Variants in KLHL22 observed in about 807,000 individuals in gnomAD.
The protein encoded by KLHL22 is kelch like family member 22.
Under a neutral mutation model 60.7 loss-of-function variants are expected in KLHL22, and 18 were observed. That is an observed-to-expected ratio of 0.30 (90% confidence interval 0.20 to 0.44). The LOEUF (loss-of-function observed/expected upper bound fraction) is 0.44, where lower values mean the gene tolerates loss of function less well. KLHL22 is among the 20% of genes least tolerant of loss of function. The pLI, the probability that KLHL22 is intolerant of heterozygous loss-of-function variation, is 1.00. For missense variants in KLHL22, 596 were observed against 852.3 expected, an observed-to-expected ratio of 0.70 and a Z score of 3.74; for synonymous variants, 355 against 354.5, an observed-to-expected ratio of 1.00 and a Z score of -0.01.
At chr22:20,487,172 G>A (rs541723060) in intron 2 of KLHL22, among the ~76,000 whole-genome samples, 81 of 151,980 alleles carry the variant, frequency 5.3e-4, no homozygotes, top group Non-Finnish European at 9.1e-4. Context: ...CACCCGCCTC[G>A]GCCTCCCAAA....
chr22:20,441,735 C>A lies in KLHL22; in HGVS notation c.*338G>T. ...GAGGGCTACCACGTGCCTCAGCCCC[C>A]CTGCCCAGGCTGCCAGCTCCCAGGT... On this transcript the variant is annotated 3_prime_UTR_variant, in exon 7 of 7. Coordinates refer to ENST00000328879, the MANE Select transcript of KLHL22 (RefSeq NM_032775.4). 4.0e-6 allele frequency: 1 copy of A among 252,698 alleles called. No homozygotes were observed. Among genetic ancestry groups the A allele is most frequent in the East Asian group, 7.7e-5 (1 of 13,034 alleles). The allele number at this position is 252,698 out of a possible 1,614,324, so 15.7% of individuals were successfully genotyped here.
chr22:20,457,886 G>A lies in KLHL22; in HGVS notation c.1227C>T (p.Tyr409=), dbSNP rs773761176. ...RYIYAVAGRD[Y]HNDLNAVERY... is the part of the protein sequence containing the mutation. ...GCTCCACAGCATTCAGGTCATTGTG[G>A]TAGTCACGGCCCGCCACAGCGTAGA... The change falls in exon 5 of 7, where the codon TAC becomes TAT. Residue 409 remains tyrosine, a synonymous_variant. Coordinates refer to ENST00000328879, the MANE Select transcript of KLHL22 (RefSeq NM_032775.4). 7 of 1,612,678 alleles carry A rather than the reference G, an allele frequency of 4.3e-6. No homozygotes were observed. In the South Asian group the frequency reaches 6.6e-5, roughly 15 times the overall value.
chr22:20,478,724 C>G (rs1255094320), intron 2 of KLHL22, among the ~76,000 whole-genome samples: 6 of 148,710 alleles, frequency 4.0e-5, no homozygotes, highest in Non-Finnish European at 6.0e-5. Context: ...CAGTGTTAGC[C>G]AGGATGGTCT....
intron 5 of KLHL22, chr22:20,451,561 G>C: frequency 1.3e-6 from 2 of 1,597,472 alleles, no homozygotes; most frequent in East Asian, 2.2e-5. Context: ...GGGGAGATTT[G>C]ATGGTACAGC....
Position 20,451,645 on chromosome 22 carries a change from C to T in KLHL22, c.1306-4969G>A, listed in dbSNP as rs1046750293. ...AACTGCCACCAGTATGACCACTCCA[C>T]GATGCTATGTAGGGGCCACAGTGCT... On this transcript the variant is annotated intron_variant, in intron 5 of 6. Coordinates refer to ENST00000328879, the MANE Select transcript of KLHL22 (RefSeq NM_032775.4). 1.1e-5 allele frequency: 17 copies of T among 1,605,598 alleles called. No individual in the cohort carries two copies. In the African/African-American group the frequency reaches 1.5e-4, roughly 14 times the overall value.
At chr22:20,449,978 T>C in intron 5 of KLHL22, 1 of 559,698 alleles carries the variant, frequency 1.8e-6, no homozygotes, top group Non-Finnish European at 3.3e-6. Flanking sequence ...GCGGCGACGC[T>C]TCGGCTCCTC....
At chr22:20,489,473 C>T (rs1331997173) in intron 1 of KLHL22, among the ~76,000 whole-genome samples, 1 of 152,178 alleles carries the variant, frequency 6.6e-6, no homozygotes, top group Non-Finnish European at 1.5e-5. Context: ...GACTCTTCAT[C>T]TCATTGTATC....
In KLHL22 at chr22:20,485,981, A is replaced by C. The variant is rs980164726; in HGVS notation, c.227+3004T>G. ...CAGGAGTTCGAGATCAGCCTGGCCA[A>C]CATGGTGAAACCCTGTCTCTACTAA... On this transcript the variant is annotated intron_variant, in intron 2 of 6. Coordinates refer to ENST00000328879, the MANE Select transcript of KLHL22 (RefSeq NM_032775.4). Among the ~76,000 whole-genome samples, 4 of 151,932 alleles carry C rather than the reference A, an allele frequency of 2.6e-5. No individual in the cohort carries two copies. The East Asian group carries it at 7.7e-4, about 29-fold the overall frequency.
intron 5 of KLHL22, among the ~76,000 whole-genome samples, chr22:20,448,877 T>C (rs1203741325): frequency 6.6e-6 from 1 of 152,232 alleles, no homozygotes; most frequent in Non-Finnish European, 1.5e-5. Context: ...GTATTTCGTA[T>C]TTTCACTACT....
At chr22:20,458,459 T>A (rs1475803823) in intron 4 of KLHL22, among the ~76,000 whole-genome samples, 2 of 146,256 alleles carry the variant, frequency 1.4e-5, no homozygotes, top group African/African-American at 2.5e-5. Context: ...TTTTTTTTTT[T>A]TTTTTTTTTG....
chr22:20,486,751 G>A (rs1000340273), intron 2 of KLHL22, among the ~76,000 whole-genome samples: 7 of 150,754 alleles, frequency 4.6e-5, no homozygotes, highest in East Asian at 1.9e-4. Flanking sequence ...GCGCAATCTC[G>A]GCTCACTGCA....
chr22:20,480,854 C>T (rs190697977), intron 2 of KLHL22, among the ~76,000 whole-genome samples: 1,934 of 120,518 alleles, frequency 0.016, 25 homozygotes, highest in Non-Finnish European at 0.025. Flanking sequence ...TTTTTTGAGA[C>T]GGAGTCTTGC....
chr22:20,494,736 G>A (rs1213858845), intron 1 of KLHL22, among the ~76,000 whole-genome samples: 4 of 152,272 alleles, frequency 2.6e-5, no homozygotes, highest in Admixed American at 6.5e-5. Flanking sequence ...TGTACTGTTC[G>A]AAGTTTCAGT....
At chr22:20,460,734 CTCT>C (rs1381425542) in intron 4 of KLHL22, among the ~76,000 whole-genome samples, 1 of 151,276 alleles carries the variant, frequency 6.6e-6, no homozygotes, top group Non-Finnish European at 1.5e-5. Flanking sequence ...TCCTGTATCC[CTCT>C]TCTTCTTTAT....
At chr22:20,472,104 G>A (rs1044624646) in intron 2 of KLHL22, among the ~76,000 whole-genome samples, 4 of 151,858 alleles carry the variant, frequency 2.6e-5, no homozygotes, top group East Asian at 3.9e-4. Flanking sequence ...AATATTAGCC[G>A]GGCATGATGT....
intron 2 of KLHL22, among the ~76,000 whole-genome samples, chr22:20,475,008 A>C (rs925512819): frequency 1.3e-5 from 2 of 152,148 alleles, no homozygotes; most frequent in Non-Finnish European, 2.9e-5. Context: ...AAGGTACAGA[A>C]AATCTCCTTA....
chr22:20,448,939 T>C (rs1204105547), intron 5 of KLHL22, among the ~76,000 whole-genome samples: 1 of 152,250 alleles, frequency 6.6e-6, no homozygotes, highest in East Asian at 1.9e-4. Context: ...TTAATTTGCA[T>C]TTCCCTGATA....
At chr22:20,476,568 G>A (rs947786516) in intron 2 of KLHL22, among the ~76,000 whole-genome samples, 20 of 147,102 alleles carry the variant, frequency 1.4e-4, no homozygotes, top group African/African-American at 4.6e-4. Flanking sequence ...TGCCCGCCAC[G>A]TCGCCCGGCT....
intron 1 of KLHL22, among the ~76,000 whole-genome samples, chr22:20,490,780 C>T (rs565788291): frequency 2.0e-5 from 3 of 152,260 alleles, no homozygotes; most frequent in African/African-American, 7.2e-5. Context: ...AATCTGATGC[C>T]ACCTCTGATC....
Sources: gnomAD v4.1 joint callset for allele counts (sites outside exome capture counted in the v4.1 genomes callset) on GRCh38, gnomAD v4.1.1 for gene constraint, MANE v1.5 for transcripts, NCBI Gene and HGNC (gene_info 2026-07-23, HGNC 2026-07-21) for gene names.